The following CBL variants were observed in gnomAD, a reference collection of about 807,000 sequenced individuals.
CBL encodes the protein E3 ubiquitin-protein ligase CBL.
Under a neutral mutation model 96.9 loss-of-function variants are expected in CBL, and 45 were observed. That is an observed-to-expected ratio of 0.46 (90% CI 0.37 to 0.60). The LOEUF is 0.60. Ranked by LOEUF, CBL falls within the 20% of genes least tolerant of loss-of-function variation. The pLI, the probability that CBL is intolerant of heterozygous loss-of-function variation, is 0.00. For synonymous variants in CBL, 420 were observed against 426.8 expected, an observed-to-expected ratio of 0.98 and a Z score of 0.20; for missense variants, 1,024 against 1,143.5, an observed-to-expected ratio of 0.90 and a Z score of 1.51.
chr11:119,272,939 T>C, intron 3 of CBL, among the ~76,000 whole-genome samples: 1 of 152,186 alleles, frequency 6.6e-6, no homozygotes, highest in South Asian at 2.1e-4. Context: ...CAAGCTTGTA[T>C]TTTTAAGTAT....
At chr11:119,231,518 G>T (rs1416487109) in intron 1 of CBL, among the ~76,000 whole-genome samples, 1 of 152,036 alleles carries the variant, frequency 6.6e-6, no homozygotes. Context: ...AGACCAGGCT[G>T]ACCAACATGG....
intron 2 of CBL, among the ~76,000 whole-genome samples, chr11:119,269,592 A>G (rs1314405584): frequency 6.6e-6 from 1 of 152,194 alleles, no homozygotes; most frequent in Non-Finnish European, 1.5e-5. Flanking sequence ...ACGAAAGACA[A>G]AGATAGCACT....
chr11:119,218,296 A>G (rs1949379625), intron 1 of CBL, among the ~76,000 whole-genome samples: 1 of 152,084 alleles, frequency 6.6e-6, no homozygotes, highest in South Asian at 2.1e-4. Context: ...TCATGAGGCA[A>G]ACCATTAATC....
intron 15 of CBL, among the ~76,000 whole-genome samples, 164 bp from the exon 16 acceptor site, chr11:119,299,331 A>T (rs1950083807): frequency 1.3e-5 from 2 of 152,170 alleles, no homozygotes; most frequent in South Asian, 4.1e-4. Context: ...AGGAGGCTAT[A>T]TCTTAAAACC....
rs1165400160 is a variant in CBL, at chr11:119,304,851, C to G, written c.*5070C>G. 1 of 188,642 alleles carries G rather than the reference C, an allele frequency of 5.3e-6. No individual in the cohort carries two copies. The highest frequency in any genetic ancestry group is 1.1e-5 in the Non-Finnish European group (1 of 89,650). The allele number at this position is 188,642 out of a possible 1,614,324, so 11.7% of individuals were successfully genotyped here. ...GTCTTGGCTAGGCTGGTCTTGAACT[C>G]CTGACCCTCATGATCCACCCACCTC... On this transcript the variant is annotated 3_prime_UTR_variant, in exon 16 of 16. Transcript: ENST00000264033.
intron 2 of CBL, among the ~76,000 whole-genome samples, chr11:119,235,625 G>A (rs1009152744): frequency 6.6e-6 from 1 of 152,068 alleles, no homozygotes. Flanking sequence ...GGGGGTGGAA[G>A]GGGAGGCAGG....
At chr11:119,281,249 GT>G (rs1027891525) in intron 9 of CBL, among the ~76,000 whole-genome samples, 1 of 152,116 alleles carries the variant, frequency 6.6e-6, no homozygotes, top group Admixed American at 6.6e-5. Flanking sequence ...TGGTTCCCAT[GT>G]TTTCCTCTTT....
At chr11:119,291,968 C>T (rs1039546816) in intron 12 of CBL, among the ~76,000 whole-genome samples, 1 of 152,018 alleles carries the variant, frequency 6.6e-6, no homozygotes, top group African/African-American at 2.4e-5. Flanking sequence ...GCAGTTCTCC[C>T]ACCTCAGCCA....
In CBL at chr11:119,304,203, A is replaced by G. The variant is rs796959463; in HGVS notation, c.*4422A>G. 20 of 233,276 alleles carry G rather than the reference A, an allele frequency of 8.6e-5. No individual in the cohort carries two copies. The highest frequency in any genetic ancestry group is 3.5e-4 in the African/African-American group (16 of 45,450). 14.5% of individuals were successfully genotyped at this position (233,276 alleles called of 1,614,324 possible). On this transcript the variant is annotated 3_prime_UTR_variant, in exon 16 of 16. Transcript: ENST00000264033. ...TTAGAGCTTTAGAAGCTCAATCTAA[A>G]ATACTGTAACTCAGCATAAACTATT...
rs1949596468 is a variant in CBL, at chr11:119,242,740, T to TAA, written c.443+10045_443+10046insAA. 5.1e-5 allele frequency among the ~76,000 whole-genome samples: 6 copies of TAA among 117,750 alleles called. 1 individual carries two copies. The South Asian group carries it at 2.3e-3, about 45-fold the overall frequency. 77.2% of individuals were successfully genotyped at this position (117,750 alleles called of 152,430 possible). ...GGTGACTGAATAAGGCCCTGACTCT[T>TAA]TAAAAAAAAAAAAAAAAAAAAGAAA... On this transcript the variant is annotated intron_variant, in intron 2 of 15. Coordinates refer to ENST00000264033, the MANE Select transcript of CBL (RefSeq NM_005188.4).
At chr11:119,209,643 C>A (rs1592366331) in intron 1 of CBL, among the ~76,000 whole-genome samples, 1 of 151,616 alleles carries the variant, frequency 6.6e-6, no homozygotes. Context: ...CTGTTTAATT[C>A]TTTTAAATGA....
intron 1 of CBL, among the ~76,000 whole-genome samples, chr11:119,224,795 G>A (rs1192056376): frequency 6.6e-6 from 1 of 151,866 alleles, no homozygotes; most frequent in South Asian, 2.1e-4. Context: ...AGTGGAAGTG[G>A]ATCTTCATCC....
intron 6 of CBL, 41 bp downstream of exon 6, chr11:119,276,175 T>C: frequency 6.2e-7 from 1 of 1,605,754 alleles, no homozygotes; most frequent in Non-Finnish European, 8.5e-7. Context: ...GTCTGGGAAC[T>C]TAGGGGCTGT....
chr11:119,243,444 G>A (rs971812812), intron 2 of CBL, among the ~76,000 whole-genome samples: 1 of 150,588 alleles, frequency 6.6e-6, no homozygotes, highest in African/African-American at 2.4e-5. Context: ...GAACCACTGC[G>A]CCCAGCCTAC....
chr11:119,271,375 CTT>C (rs961830900), intron 2 of CBL, among the ~76,000 whole-genome samples: 1 of 152,162 alleles, frequency 6.6e-6, no homozygotes, highest in African/African-American at 2.4e-5. Flanking sequence ...AATTTTTTCT[CTT>C]GTTTACTTCA....
intron 11 of CBL, among the ~76,000 whole-genome samples, chr11:119,286,146 A>G (rs975676389): frequency 2.0e-5 from 3 of 152,028 alleles, no homozygotes; most frequent in Admixed American, 6.6e-5. Context: ...TAAAAATACA[A>G]AAAATTAACT....
chr11:119,237,845 T>A (rs868443381), intron 2 of CBL, among the ~76,000 whole-genome samples: 74 of 152,232 alleles, frequency 4.9e-4, no homozygotes, highest in Middle Eastern at 3.4e-3. Context: ...TTTTTCAAGA[T>A]TGTTTTGGCT....
chr11:119,211,878 A>G (rs1436674730), intron 1 of CBL, among the ~76,000 whole-genome samples: 1 of 152,152 alleles, frequency 6.6e-6, no homozygotes, highest in Non-Finnish European at 1.5e-5. Context: ...CCACTCCTGA[A>G]GTAGAGCATC....
At chr11:119,279,546 G>A (rs977199991) in intron 9 of CBL, among the ~76,000 whole-genome samples, 2 of 152,024 alleles carry the variant, frequency 1.3e-5, no homozygotes, top group Non-Finnish European at 2.9e-5. Flanking sequence ...TAACTAGTCT[G>A]GAGACTGAGA....
Sources: allele counts gnomAD v4.1 joint callset (sites outside exome capture counted in the v4.1 genomes callset), GRCh38; gene constraint gnomAD v4.1.1; transcripts MANE v1.5; gene names NCBI Gene and HGNC (gene_info 2026-07-23, HGNC 2026-07-21).